Variants in TLL2 observed in about 807,000 individuals in gnomAD.
The protein encoded by TLL2 is tolloid like 2.
TLL2 carries 106 observed loss-of-function variants against 123.0 expected under a neutral mutation model. The observed-to-expected ratio is 0.86, with a 90% CI of 0.74 to 1.01. TLL2 has a LOEUF of 1.01. Ranked by LOEUF, TLL2 falls within the 50% of genes least tolerant of loss-of-function variation. The pLI is 0.00. For synonymous variants in TLL2, 494 were observed against 516.8 expected (o/e 0.96, Z 0.60); for missense variants, 1,332 against 1,336.7 (o/e 1.00, Z 0.06).
chr10:96,405,399 T>G, intron 9 of TLL2, 65 bp from the exon 10 acceptor site: 12 of 1,441,014 alleles, frequency 8.3e-6, no homozygotes, highest in Non-Finnish European at 1.2e-5. Context: ...AAGATATATC[T>G]TGCATACTGG....
intron 17 of TLL2, 25 bp from the exon 18 acceptor site, chr10:96,376,844 CA>C: frequency 6.7e-7 from 1 of 1,501,270 alleles, no homozygotes; most frequent in Non-Finnish European, 8.9e-7. Context: ...GGGACACATA[CA>C]AAGAGAGAAG....
chr10:96,506,427 G>A (rs549778581), intron 1 of TLL2, among the ~76,000 whole-genome samples: 33 of 151,864 alleles, frequency 2.2e-4, no homozygotes, highest in African/African-American at 7.7e-4. Context: ...GTCCAGGCTG[G>A]GGAGTGCCCT....
intron 13 of TLL2, among the ~76,000 whole-genome samples, chr10:96,392,579 C>T (rs948272237): frequency 6.6e-6 from 1 of 151,986 alleles, no homozygotes; most frequent in Non-Finnish European, 1.5e-5. Flanking sequence ...TACCAGTTAT[C>T]CCCCTGGAAT....
intron 10 of TLL2, among the ~76,000 whole-genome samples, chr10:96,401,359 C>T (rs377103610): frequency 2.6e-5 from 4 of 152,286 alleles, no homozygotes; most frequent in African/African-American, 7.2e-5. Context: ...CTGACCCCTC[C>T]CAGGGACCAG....
At chr10:96,490,675 T>C (rs1305169003) in intron 1 of TLL2, among the ~76,000 whole-genome samples, 2 of 152,242 alleles carry the variant, frequency 1.3e-5, no homozygotes, top group Non-Finnish European at 2.9e-5. Context: ...GTTATGTCTA[T>C]GGATTCGACA....
intron 2 of TLL2, among the ~76,000 whole-genome samples, chr10:96,459,719 TATATATATATATAG>T (rs1468340798): frequency 2.1e-5 from 2 of 94,810 alleles, no homozygotes; most frequent in African/African-American, 7.6e-5. Flanking sequence ...TATATATATA[TATATATATATATAG>T]CAGCTAAAAT....
rs1043637590 is a variant in TLL2 at position 96,450,163 on chromosome 10, A to C, written c.287-3995T>G. On this transcript the variant is annotated intron_variant, in intron 2 of 20. Coordinates refer to ENST00000357947, the MANE Select transcript of TLL2 (RefSeq NM_012465.4). ...GGTAGGTGGGTGAATGAATGCATGG[A>C]TGGATGGATGGATGGATGGATGGAT... Among the ~76,000 whole-genome samples the C allele has an allele frequency of 6.8e-3, 968 of 142,154 alleles. 11 individuals are homozygous for C. The highest frequency in any genetic ancestry group is 7.9e-3 in the Non-Finnish European group (509 of 64,400). The allele number at this position is 142,154 out of a possible 152,430, so 93.3% of individuals were successfully genotyped here.
intron 7 of TLL2, among the ~76,000 whole-genome samples, chr10:96,418,203 T>A (rs1166212504): frequency 6.6e-6 from 1 of 152,006 alleles, no homozygotes; most frequent in African/African-American, 2.4e-5. Context: ...TATTATGAGC[T>A]AGCAATCCTA....
At chr10:96,414,963 C>T (rs927701061) in intron 7 of TLL2, among the ~76,000 whole-genome samples, 3 of 152,178 alleles carry the variant, frequency 2.0e-5, no homozygotes, top group Non-Finnish European at 2.9e-5. Flanking sequence ...TGAACTCTTT[C>T]CAGTAGCTTC....
chr10:96,445,069 G>A (rs1846885065), intron 3 of TLL2, among the ~76,000 whole-genome samples: 2 of 152,138 alleles, frequency 1.3e-5, no homozygotes, highest in Admixed American at 6.5e-5. Flanking sequence ...GGCGCCTGTA[G>A]TCCCAGCTAC....
At chr10:96,421,535 G>A (rs949039689) in intron 6 of TLL2, among the ~76,000 whole-genome samples, 1 of 152,062 alleles carries the variant, frequency 6.6e-6, no homozygotes, top group Non-Finnish European at 1.5e-5. Flanking sequence ...ATGGTGGCGG[G>A]TGCCTGTAGT....
chr10:96,506,246 C>T (rs1365681866), intron 1 of TLL2, among the ~76,000 whole-genome samples: 4 of 71,808 alleles, frequency 5.6e-5, no homozygotes, highest in Non-Finnish European at 1.0e-4. Context: ...AGCGAGACCC[C>T]ATCTCAAAAA....
At position 96,395,213 on chromosome 10, in the gene TLL2, G is replaced by T. The variant is rs760191094; in HGVS notation, c.1700C>A (p.Ala567Glu). The T allele has an allele frequency of 3.7e-6, 6 of 1,606,354 alleles. No individual in the cohort carries two copies. The highest frequency in any genetic ancestry group is 1.3e-5 in the African/African-American group (1 of 74,534). Reference sequence around the variant, plus strand: ...CTTGAAAAAATTGGCTGCAAAGCCCGCTTTATTGATAGAGCCATCGGACAC... The same window carrying T: ...CTTGAAAAAATTGGCTGCAAAGCCCTCTTTATTGATAGAGCCATCGGACAC... ...KFVSDGSINK[A>E]GFAANFFKEV... Residue 567 changes from alanine to glutamate, a missense_variant, in exon 13 of 21, where the codon GCG (alanine) becomes GAG (glutamate). Physicochemically the swap from Ala to Glu is moderately radical, Grantham distance 107. Transcript: ENST00000357947.
At chr10:96,478,665 G>A (rs975643705) in intron 2 of TLL2, among the ~76,000 whole-genome samples, 2 of 152,176 alleles carry the variant, frequency 1.3e-5, no homozygotes, top group African/African-American at 2.4e-5. Flanking sequence ...AGAGCAACAC[G>A]GCAATGTGAG....
intron 3 of TLL2, among the ~76,000 whole-genome samples, chr10:96,438,338 CT>C (rs1846817429): frequency 6.6e-6 from 1 of 152,110 alleles, no homozygotes; most frequent in African/African-American, 2.4e-5. Flanking sequence ...ATTTTGTTAA[CT>C]GTATATCCAA....
At chr10:96,387,274 C>T (rs1846245251) in intron 13 of TLL2, among the ~76,000 whole-genome samples, 196 bp from the exon 14 acceptor site, 1 of 152,238 alleles carries the variant, frequency 6.6e-6, no homozygotes, top group African/African-American at 2.4e-5. Flanking sequence ...ACACTGACAA[C>T]ACGAGCAGGA....
chr10:96,472,091 G>A (rs1385764081), intron 2 of TLL2, among the ~76,000 whole-genome samples: 2 of 152,162 alleles, frequency 1.3e-5, no homozygotes, highest in Admixed American at 1.3e-4. Context: ...GGATGTGTAA[G>A]AGAGCTCCCT....
rs1395802251 is a variant in TLL2 at position 96,384,628 on chromosome 10, T to C, written c.2153A>G (p.Asn718Ser). 13 of 1,607,880 alleles carry C rather than the reference T, an allele frequency of 8.1e-6. No individual in the cohort carries two copies. Among genetic ancestry groups the C allele is most frequent in the Non-Finnish European group, 9.4e-6 (11 of 1,175,736 alleles). ...NNMRVEFKSD[N>S]TVSKRGFRAH... Reference sequence around the variant, plus strand: ...CCTGAAGCCGCGCTTGGAGACGGTGTTGTCGGACTTGAACTCCACGCGCAT... The same window carrying C: ...CCTGAAGCCGCGCTTGGAGACGGTGCTGTCGGACTTGAACTCCACGCGCAT... Residue 718 changes from asparagine (N) to serine (S), a missense_variant, in exon 16 of 21, where the codon AAC becomes AGC. By Grantham distance (46) the Asn-to-Ser change is conservative (BLOSUM62 1). Coordinates refer to ENST00000357947, the MANE Select transcript of TLL2 (RefSeq NM_012465.4).
chr10:96,501,478 G>T (rs575913404), intron 1 of TLL2, among the ~76,000 whole-genome samples: 1 of 152,292 alleles, frequency 6.6e-6, no homozygotes, highest in African/African-American at 2.4e-5. Flanking sequence ...AAGCATCACA[G>T]GTCTTCACTG....
Sources: gnomAD v4.1 joint callset for allele counts (sites outside exome capture counted in the v4.1 genomes callset) on GRCh38, gnomAD v4.1.1 for gene constraint, MANE v1.5 for transcripts, NCBI Gene and HGNC (gene_info 2026-07-23, HGNC 2026-07-21) for gene names.